FBXO4: variants seen among roughly 807,000 people sequenced by gnomAD.
FBXO4 encodes F-box only protein 4.
A neutral mutation model predicts 43.7 loss-of-function variants in FBXO4; 36 were observed. That is an observed-to-expected ratio of 0.82 (90% CI 0.63 to 1.09). The LOEUF (loss-of-function observed/expected upper bound fraction) is 1.09. Ranked by LOEUF, FBXO4 falls within the 50% of genes least tolerant of loss-of-function variation. FBXO4 has a pLI of 0.00. For synonymous variants in FBXO4, 180 were observed against 165.6 expected (o/e 1.09, Z -0.67); for missense variants, 435 against 474.1 (o/e 0.92, Z 0.77).
chr5:41,974,980 G>A, the FBXO4 span, among the ~76,000 whole-genome samples: 1 of 152,138 alleles, frequency 6.6e-6, no homozygotes, highest in Non-Finnish European at 1.5e-5. Flanking sequence ...AGTTTGAAGT[G>A]TGTTTCTGCT....
chr5:41,933,520 C>T (rs573067574), intron 3 of FBXO4, among the ~76,000 whole-genome samples: 6 of 152,206 alleles, frequency 3.9e-5, no homozygotes, highest in Non-Finnish European at 8.8e-5. Flanking sequence ...GCCTGCCCCC[C>T]CCATCAATTT....
the FBXO4 span, among the ~76,000 whole-genome samples, chr5:41,995,345 T>C: frequency 6.6e-5 from 10 of 152,172 alleles, no homozygotes; most frequent in African/African-American, 2.2e-4. Context: ...GCCCTTTCTA[T>C]GATGGAAGAG....
At chr5:42,001,933 G>T in the FBXO4 span, among the ~76,000 whole-genome samples, 2 of 152,074 alleles carry the variant, frequency 1.3e-5, no homozygotes, top group Non-Finnish European at 2.9e-5. Context: ...CTGACCTTGG[G>T]CGATCTGCTC....
the FBXO4 span, among the ~76,000 whole-genome samples, chr5:42,025,026 C>T: frequency 6.6e-6 from 1 of 151,988 alleles, no homozygotes; most frequent in Non-Finnish European, 1.5e-5. Flanking sequence ...GTGCAGATAT[C>T]TCTTCAATAT....
the FBXO4 span, among the ~76,000 whole-genome samples, chr5:42,016,252 C>G: frequency 6.6e-6 from 1 of 152,058 alleles, no homozygotes; most frequent in Admixed American, 6.6e-5. Context: ...GCATGTTGCT[C>G]TGTTCTGAGT....
At chr5:42,001,379 G>A in the FBXO4 span, among the ~76,000 whole-genome samples, 7 of 152,116 alleles carry the variant, frequency 4.6e-5, no homozygotes, top group Non-Finnish European at 1.0e-4. Context: ...ACAGGCACAC[G>A]CCACCATGCG....
chr5:41,997,093 C>A, the FBXO4 span, among the ~76,000 whole-genome samples: 56 of 152,294 alleles, frequency 3.7e-4, 1 homozygote, highest in Admixed American at 2.9e-3. Context: ...CAGTGGGAGG[C>A]AAAATGCTTC....
chr5:41,972,331 C>CCTTATTAAA, the FBXO4 span, among the ~76,000 whole-genome samples: 1 of 152,002 alleles, frequency 6.6e-6, no homozygotes, highest in Non-Finnish European at 1.5e-5. Context: ...AAATCAAGAA[C>CCTTATTAAA]ATAATGCTAT....
the FBXO4 span, among the ~76,000 whole-genome samples, chr5:41,989,794 T>A: frequency 6.6e-6 from 1 of 152,166 alleles, no homozygotes; most frequent in East Asian, 1.9e-4. Context: ...GTTCAAACAT[T>A]CCACCTTAGA....
intron 6 of FBXO4, among the ~76,000 whole-genome samples, chr5:41,939,851 T>TA (rs1483701329): frequency 7.3e-6 from 1 of 137,364 alleles, no homozygotes; most frequent in East Asian, 2.0e-4. Context: ...TTTTTTTTTT[T>TA]TTTTTTTTTT....
the FBXO4 span, among the ~76,000 whole-genome samples, chr5:42,033,505 G>A: frequency 6.6e-5 from 10 of 151,892 alleles, no homozygotes; most frequent in South Asian, 2.1e-4. Context: ...TTTAAGCCCC[G>A]TATGCATTAG....
At chr5:42,023,040 A>G in the FBXO4 span, among the ~76,000 whole-genome samples, 1 of 152,104 alleles carries the variant, frequency 6.6e-6, no homozygotes, top group South Asian at 2.1e-4. Flanking sequence ...ATAATAAAGA[A>G]CAATGTTCTT....
chr5:41,967,804 A>T, the FBXO4 span: 3 of 613,132 alleles, frequency 4.9e-6, no homozygotes, highest in African/African-American at 1.8e-5. Context: ...GTGGAGAAGG[A>T]GGCCATCTAC....
chr5:42,018,042 C>G, the FBXO4 span, among the ~76,000 whole-genome samples: 2 of 151,236 alleles, frequency 1.3e-5, no homozygotes, highest in African/African-American at 4.8e-5. Flanking sequence ...AAAACCAGAA[C>G]CTCAATGGGA....
chr5:42,014,965 A>G, the FBXO4 span, among the ~76,000 whole-genome samples: 1 of 152,178 alleles, frequency 6.6e-6, no homozygotes, highest in Non-Finnish European at 1.5e-5. Flanking sequence ...TTAGAATATA[A>G]TCTATATTAA....
the FBXO4 span, among the ~76,000 whole-genome samples, chr5:42,024,161 T>C: frequency 6.6e-6 from 1 of 152,114 alleles, no homozygotes; most frequent in African/African-American, 2.4e-5. Flanking sequence ...TTTTCTGTAC[T>C]GCTAAATGAA....
the FBXO4 span, among the ~76,000 whole-genome samples, chr5:41,978,877 G>T: frequency 6.6e-6 from 1 of 152,012 alleles, no homozygotes; most frequent in African/African-American, 2.4e-5. Context: ...TCTATTCTTG[G>T]AACTTGGTGT....
the FBXO4 span, among the ~76,000 whole-genome samples, chr5:41,991,208 T>C: frequency 6.6e-6 from 1 of 152,204 alleles, no homozygotes; most frequent in African/African-American, 2.4e-5. Context: ...ACTAAAACTC[T>C]TCTTCAGAAT....
chr5:42,007,171 C>G, the FBXO4 span, among the ~76,000 whole-genome samples: 1 of 149,220 alleles, frequency 6.7e-6, no homozygotes, highest in African/African-American at 2.5e-5. Context: ...TTAAGGTGGG[C>G]CCTAATCTGA....
Sources: allele counts gnomAD v4.1 joint callset (sites outside exome capture counted in the v4.1 genomes callset), GRCh38; gene constraint gnomAD v4.1.1; transcripts MANE v1.5; gene names NCBI Gene and HGNC (gene_info 2026-07-23, HGNC 2026-07-21).